Variants in LMX1B observed in about 807,000 individuals in gnomAD.
The protein encoded by LMX1B is LIM homeobox transcription factor 1 beta.
A neutral mutation model predicts 51.4 loss-of-function variants in LMX1B; 12 were observed. The ratio of observed to expected loss-of-function variants is 0.23; its 90% CI spans 0.15 to 0.38. The LOEUF (loss-of-function observed/expected upper bound fraction) is 0.38. LMX1B is among the 10% of genes least tolerant of loss of function. The pLI is 1.00. For synonymous variants in LMX1B, 237 were observed against 235.4 expected, an observed-to-expected ratio of 1.01 and a Z score of -0.06; for missense variants, 445 against 571.1, an observed-to-expected ratio of 0.78 and a Z score of 2.25.
chr9:126,646,544 C>T (rs1257100265), intron 2 of LMX1B, among the ~76,000 whole-genome samples: 1 of 152,226 alleles, frequency 6.6e-6, no homozygotes, highest in Non-Finnish European at 1.5e-5. Context: ...CCTCGGGGGC[C>T]CACAGTCCAG....
chr9:126,636,022 C>G (rs1462275521), intron 2 of LMX1B, among the ~76,000 whole-genome samples: 1 of 151,780 alleles, frequency 6.6e-6, no homozygotes, highest in African/African-American at 2.4e-5. Flanking sequence ...GAAGACAGCC[C>G]AGTGAGTTCC....
intron 2 of LMX1B, among the ~76,000 whole-genome samples, chr9:126,637,822 T>TCCCCCCCCCC (rs56108871): frequency 7.6e-4 from 70 of 92,002 alleles, no homozygotes; most frequent in African/African-American, 1.6e-3. Flanking sequence ...GTGCCTGTCC[T>TCCCCCCCCCC]CCCCCCCCCC....
intron 2 of LMX1B, among the ~76,000 whole-genome samples, chr9:126,684,157 G>C (rs1836728987): frequency 6.6e-6 from 1 of 152,174 alleles, no homozygotes; most frequent in Admixed American, 6.5e-5. Flanking sequence ...AGGGAGGAAG[G>C]TGTTTCCAGC....
chr9:126,649,869 C>T (rs1356864133), intron 2 of LMX1B, among the ~76,000 whole-genome samples: 1 of 152,244 alleles, frequency 6.6e-6, no homozygotes, highest in African/African-American at 2.4e-5. Context: ...CTCAAGCAAT[C>T]TGCCCACCTT....
At chr9:126,676,204 A>G (rs181174671) in intron 2 of LMX1B, among the ~76,000 whole-genome samples, 100 of 152,008 alleles carry the variant, frequency 6.6e-4, no homozygotes, top group African/African-American at 2.3e-3. Context: ...CTTGTTTCTC[A>G]GGACCTTTGC....
intron 2 of LMX1B, among the ~76,000 whole-genome samples, chr9:126,621,048 C>T (rs997428636): frequency 1.3e-5 from 2 of 152,118 alleles, no homozygotes; most frequent in East Asian, 1.9e-4. Context: ...GGGTGGCTGG[C>T]GATGCTTCTC....
chr9:126,673,658 C>T lies in LMX1B; in HGVS notation c.327-17178C>T, dbSNP rs1422191642. On this transcript the variant is annotated intron_variant, in intron 2 of 7. Transcript: ENST00000373474. The surrounding 1 kb of genome is among the most constrained non-coding windows in gnomAD (Gnocchi z 4.4). ...TCCACTCTGGGCAGAGAGGGGGCAT[C>T]GGGGGCATGGCTAGGGGCCAGCACT... Among the ~76,000 whole-genome samples the T allele has an allele frequency of 3.9e-5, 6 of 152,146 alleles. No homozygotes were observed. The South Asian group carries it at 6.2e-4, about 16-fold the overall frequency.
At chr9:126,689,749 T>G (rs937069622) in intron 2 of LMX1B, among the ~76,000 whole-genome samples, 8 of 152,116 alleles carry the variant, frequency 5.3e-5, no homozygotes, top group African/African-American at 1.9e-4. Context: ...GGAATCACGT[T>G]GTCATGTGGA....
chr9:126,686,134 G>T (rs930273619), intron 2 of LMX1B, among the ~76,000 whole-genome samples: 11 of 151,986 alleles, frequency 7.2e-5, no homozygotes, highest in Non-Finnish European at 1.3e-4. Flanking sequence ...CAAAAAATTA[G>T]CCGGGCGTGG....
At chr9:126,616,154 T>C (rs1344103515) in intron 2 of LMX1B, among the ~76,000 whole-genome samples, 3 of 152,216 alleles carry the variant, frequency 2.0e-5, no homozygotes, top group Non-Finnish European at 4.4e-5. Context: ...CACTTGCAGT[T>C]TTCTTTGGTT....
At chr9:126,633,778 G>A (rs1384091506) in intron 2 of LMX1B, among the ~76,000 whole-genome samples, 2 of 152,160 alleles carry the variant, frequency 1.3e-5, no homozygotes, top group Non-Finnish European at 2.9e-5. Context: ...TATTTCCAGA[G>A]CCTTTACCCT....
chr9:126,661,568 C>T (rs934649386), intron 2 of LMX1B, among the ~76,000 whole-genome samples: 9 of 152,294 alleles, frequency 5.9e-5, no homozygotes, highest in South Asian at 2.1e-4. Context: ...TCAGAGGAAC[C>T]CCAGACAAGG....
chr9:126,628,141 G>A (rs1316930361), intron 2 of LMX1B, among the ~76,000 whole-genome samples: 1 of 152,326 alleles, frequency 6.6e-6, no homozygotes, highest in South Asian at 2.1e-4. Context: ...CATCTTTCTT[G>A]TCTCTGACTC....
In LMX1B at chr9:126,673,358, C is replaced by T. The variant is rs1006187100; in HGVS notation, c.327-17478C>T. Among the ~76,000 whole-genome samples, 3 of 152,066 alleles carry T rather than the reference C, an allele frequency of 2.0e-5. No individual in the cohort carries two copies. Among genetic ancestry groups the T allele is most frequent in the Admixed American group, 6.5e-5 (1 of 15,274 alleles). ...GGCTGGACTTCCTGGGCGTCTGACA[C>T]ACCAGGCCCCACAAACAACTCCGCA... On this transcript the variant is annotated intron_variant, in intron 2 of 7. Transcript: ENST00000373474. The surrounding 1 kb of genome is among the most constrained non-coding windows in gnomAD (Gnocchi z 4.4).
At chr9:126,627,657 C>G (rs1835560831) in intron 2 of LMX1B, among the ~76,000 whole-genome samples, 1 of 152,090 alleles carries the variant, frequency 6.6e-6, no homozygotes. Flanking sequence ...AGGGCCTGGC[C>G]TTCTGCGTGG....
At chr9:126,619,323 C>T (rs1378419512) in intron 2 of LMX1B, among the ~76,000 whole-genome samples, 2 of 152,284 alleles carry the variant, frequency 1.3e-5, no homozygotes. Context: ...CGGGTGTGGC[C>T]CAGGGGGAGA....
At chr9:126,672,924 C>T (rs1836486317) in intron 2 of LMX1B, among the ~76,000 whole-genome samples, 1 of 152,234 alleles carries the variant, frequency 6.6e-6, no homozygotes, top group South Asian at 2.1e-4. Flanking sequence ...CGTGCCCAGG[C>T]ACATGACACT....
rs141496559 is a variant in LMX1B at position 126,696,413 on chromosome 9, C to T, written c.1171C>T (p.Arg391Trp). The change falls in exon 8 of 8, where the codon CGG becomes TGG. Residue 391 changes from arginine to tryptophan, a missense_variant. This residue lies in a region of LMX1B where 162 missense variants were observed against 187.8 expected (regional missense o/e 0.86). Transcript: ENST00000373474. ...LQARVGNPID[R>W]LYSMQSSYFA... is the part of the protein sequence containing the mutation. ...GGCCCGCGTGGGGAACCCCATCGACCGGCTCTACTCCATGCAGAGTTCCTA... is the reference window on the plus strand; with the variant it reads ...GGCCCGCGTGGGGAACCCCATCGACTGGCTCTACTCCATGCAGAGTTCCTA... The T allele has an allele frequency of 2.6e-5, 42 of 1,613,980 alleles. No individual in the cohort carries two copies. The highest frequency in any genetic ancestry group is 3.4e-5 in the Non-Finnish European group (40 of 1,179,982).
At chr9:126,638,786 G>T (rs2118876406) in intron 2 of LMX1B, among the ~76,000 whole-genome samples, 1 of 152,290 alleles carries the variant, frequency 6.6e-6, no homozygotes, top group East Asian at 1.9e-4. Flanking sequence ...GGCGGCGCGG[G>T]CGCCCGATGT....
Sources: allele counts gnomAD v4.1 joint callset (sites outside exome capture counted in the v4.1 genomes callset), GRCh38; gene constraint gnomAD v4.1.1; regional missense constraint gnomAD v4.1.1; non-coding constraint Gnocchi (gnomAD v3.1); transcripts MANE v1.5; gene names NCBI Gene and HGNC (gene_info 2026-07-23, HGNC 2026-07-21).